Variants in PLCZ1 observed in about 807,000 individuals in gnomAD.
PLCZ1 encodes the protein 1-phosphatidylinositol 4,5-bisphosphate phosphodiesterase zeta-1.
A neutral mutation model predicts 76.8 loss-of-function variants in PLCZ1; 64 were observed. The observed-to-expected ratio is 0.83, with a 90% CI of 0.68 to 1.03. PLCZ1 has a LOEUF of 1.03. Ranked by LOEUF, PLCZ1 falls within the 50% of genes least tolerant of loss-of-function variation. The pLI is 0.00. For synonymous variants in PLCZ1, 248 were observed against 230.8 expected (o/e 1.07, Z -0.68); for missense variants, 751 against 713.7 (o/e 1.05, Z -0.60).
At chr12:18,661,489 G>A in the PLCZ1 span, among the ~76,000 whole-genome samples, 1 of 152,068 alleles carries the variant, frequency 6.6e-6, no homozygotes, top group Admixed American at 6.6e-5. Context: ...TGTCAACCAT[G>A]AATCCTGTAT....
At position 18,712,849 on chromosome 12, in the gene PLCZ1, G is replaced by A. The variant is rs770815446; in HGVS notation, c.707C>T (p.Ala236Val). ...KTVIQAIHKY[A>V]FMTSDYPVVL... Reference sequence around the variant, plus strand: ...ACAAAGATATGTACATACCATGAATGCATACTTGTGTATAGCTTGGATAAC... The same window carrying A: ...ACAAAGATATGTACATACCATGAATACATACTTGTGTATAGCTTGGATAAC... Residue 236 changes from alanine (A) to valine (V), a missense_variant, in exon 6 of 15, where the codon GCA (alanine) becomes GTA (valine). By Grantham distance (64) the Ala-to-Val change is moderately conservative. Coordinates refer to ENST00000266505, the MANE Select transcript of PLCZ1 (RefSeq NM_033123.4). 6.2e-6 allele frequency: 10 copies of A among 1,613,528 alleles called. No individual in the cohort carries two copies. The highest frequency in any genetic ancestry group is 8.5e-6 in the Non-Finnish European group (10 of 1,179,630).
intron 4 of PLCZ1, 83 bp downstream of exon 4, chr12:18,723,228 A>G: frequency 8.2e-7 from 1 of 1,216,536 alleles, no homozygotes; most frequent in East Asian, 2.5e-5. Flanking sequence ...TCATAAAAAT[A>G]CTTTGCTTTG....
At chr12:18,681,075 G>A (rs977157125), downstream of PLCZ1, among the ~76,000 whole-genome samples, 2 of 151,946 alleles carry the variant, frequency 1.3e-5, no homozygotes, top group Non-Finnish European at 2.9e-5. Flanking sequence ...GTCGTGTTCC[G>A]TCATGGTACA....
chr12:18,677,804 T>C, the PLCZ1 span, among the ~76,000 whole-genome samples: 1 of 152,088 alleles, frequency 6.6e-6, no homozygotes, highest in Admixed American at 6.6e-5. Flanking sequence ...TAGATAGATC[T>C]AAAAAATATA....
At chr12:18,646,015 G>A in the PLCZ1 span, among the ~76,000 whole-genome samples, 100 of 152,076 alleles carry the variant, frequency 6.6e-4, no homozygotes, top group Admixed American at 4.7e-3. Flanking sequence ...TACCCACTTA[G>A]AGAAAAGGAA....
At chr12:18,651,176 G>A in the PLCZ1 span, among the ~76,000 whole-genome samples, 1 of 151,944 alleles carries the variant, frequency 6.6e-6, no homozygotes, top group Non-Finnish European at 1.5e-5. Flanking sequence ...GGACACTCCA[G>A]GCACGCTTCA....
chr12:18,696,274 AG>A lies in PLCZ1; in HGVS notation c.1175-9del. 7.4e-7 allele frequency: 1 copy of A among 1,345,562 alleles called. No homozygotes were observed. The highest frequency in any genetic ancestry group is 1.0e-6 in the Non-Finnish European group (1 of 953,318). The allele number at this position is 1,345,562 out of a possible 1,614,324, so 83.4% of individuals were successfully genotyped here. ...GAAAAATAAACTCATGGACTGAAAAAGAATAATTAAAACATTGTGAAAGAAT... is the reference window on the plus strand; with the variant it reads ...GAAAAATAAACTCATGGACTGAAAAAAATAATTAAAACATTGTGAAAGAAT... On this transcript the variant is annotated splice_polypyrimidine_tract_variant and intron_variant, in intron 10 of 14. Coordinates refer to ENST00000266505, the MANE Select transcript of PLCZ1 (RefSeq NM_033123.4).
chr12:18,729,297 G>T (rs1407110325), intron 3 of PLCZ1, among the ~76,000 whole-genome samples: 1 of 151,680 alleles, frequency 6.6e-6, no homozygotes, highest in Non-Finnish European at 1.5e-5. Flanking sequence ...TCTTATTTAA[G>T]GTCCAGCAAG....
chr12:18,701,606 ATCCTCCTCCTCCTCCTCCTCCTCCTCC>A (rs11279217), intron 8 of PLCZ1, 38 bp from the exon 9 acceptor site: 8 of 1,524,970 alleles, frequency 5.2e-6, no homozygotes, highest in East Asian at 2.4e-5. Flanking sequence ...CTTTGAATTT[ATCCTCCTCCTCCTCCTCCTCCTCCTCC>A]TCCTCCTCCT....
chr12:18,729,072 A>C (rs1327687439), intron 3 of PLCZ1, among the ~76,000 whole-genome samples: 3 of 152,046 alleles, frequency 2.0e-5, no homozygotes, highest in Admixed American at 2.0e-4. Flanking sequence ...TAAAATATGT[A>C]ATATTTCTTT....
chr12:18,650,643 A>G, the PLCZ1 span, among the ~76,000 whole-genome samples: 1 of 123,072 alleles, frequency 8.1e-6, no homozygotes, highest in African/African-American at 3.0e-5. Context: ...AATACCTATT[A>G]TTTACATAAC....
Position 18,685,206 on chromosome 12 carries a change from TC to T in PLCZ1, c.1592-928del, listed in dbSNP as rs369338682. Among the ~76,000 whole-genome samples the T allele has an allele frequency of 1.0e-3, 157 of 152,168 alleles. 3 individuals are homozygous for T. In the South Asian group the frequency reaches 0.032, roughly 31 times the overall value. On this transcript the variant is annotated intron_variant, in intron 13 of 14. Coordinates refer to ENST00000266505, the MANE Select transcript of PLCZ1 (RefSeq NM_033123.4). ...CTTGATCCTTCTTTAGACTAAGTGC[TC>T]CTTTCAAAGTCCAAAGTTGATGAAT...
rs548282242 is a variant in PLCZ1, at chr12:18,695,083, T to G, written c.1292-4A>C. 2 of 1,611,622 alleles carry G rather than the reference T, an allele frequency of 1.2e-6. No homozygotes were observed. The highest frequency in any genetic ancestry group is 1.7e-6 in the Non-Finnish European group (2 of 1,178,102). On this transcript the variant is annotated splice_polypyrimidine_tract_variant and splice_region_variant and intron_variant, in intron 11 of 14. Coordinates refer to ENST00000266505, the MANE Select transcript of PLCZ1 (RefSeq NM_033123.4). ...GGGGTCTGGAAATTTAAAGCCACTG[T>G]AAGAAAGAAGTATTTTGACATTGTC...
chr12:18,734,690 A>G (rs1207520352), intron 3 of PLCZ1, among the ~76,000 whole-genome samples: 1 of 152,124 alleles, frequency 6.6e-6, no homozygotes, highest in African/African-American at 2.4e-5. Context: ...GAGTTTCTAC[A>G]TGTAAGATTG....
intron 3 of PLCZ1, 77 bp downstream of exon 3, chr12:18,736,144 A>T: frequency 6.6e-7 from 1 of 1,514,956 alleles, no homozygotes. Context: ...TAAGAGACTA[A>T]CCTTTATATG....
intron 13 of PLCZ1, among the ~76,000 whole-genome samples, chr12:18,685,819 ATC>A (rs144794811): frequency 7.0e-5 from 10 of 141,876 alleles, no homozygotes; most frequent in Middle Eastern, 3.2e-3. Context: ...CTCCTCCTGT[ATC>A]TCTCTCTGTC....
chr12:18,733,730 C>T (rs1959168098), intron 3 of PLCZ1, among the ~76,000 whole-genome samples: 1 of 151,996 alleles, frequency 6.6e-6, no homozygotes. Flanking sequence ...CTATCCTTTC[C>T]CCATTATGTA....
chr12:18,712,803 T>C lies in PLCZ1; in HGVS notation c.714+39A>G, dbSNP rs781766615. The C allele has an allele frequency of 4.4e-6, 7 of 1,602,922 alleles. No homozygotes were observed. In the East Asian group the frequency reaches 1.3e-4, roughly 31 times the overall value. Reference sequence around the variant, plus strand: ...GAAGCAAGTAAATTAGAATTGCTTCTGTTTAAATAGCTACAGTTGAACAAA... The same window carrying C: ...GAAGCAAGTAAATTAGAATTGCTTCCGTTTAAATAGCTACAGTTGAACAAA... On this transcript the variant is annotated intron_variant, in intron 6 of 14. Transcript: ENST00000266505.
the PLCZ1 span, among the ~76,000 whole-genome samples, chr12:18,676,444 A>G: frequency 2.6e-5 from 4 of 152,098 alleles, no homozygotes; most frequent in African/African-American, 9.7e-5. Context: ...TTGCTTCTTC[A>G]GTGAAAATGC....
Sources: allele counts gnomAD v4.1 joint callset (sites outside exome capture counted in the v4.1 genomes callset), GRCh38; gene constraint gnomAD v4.1.1; transcripts MANE v1.5; gene names NCBI Gene and HGNC (gene_info 2026-07-23, HGNC 2026-07-21).